Variants in CENPW observed in about 807,000 individuals in gnomAD.
CENPW encodes centromere protein W, also known as cancer-up-regulated gene 2 protein.
In CENPW, 3 loss-of-function variants were observed where a neutral mutation model predicts 11.1. The observed-to-expected ratio is 0.27, with a 90% CI of 0.12 to 0.70. The LOEUF (loss-of-function observed/expected upper bound fraction) is 0.70, where lower values mean the gene tolerates loss of function less well. CENPW is among the 30% of genes least tolerant of loss of function. The pLI is 0.77. For missense variants in CENPW, 100 were observed against 105.6 expected, an observed-to-expected ratio of 0.95 and a Z score of 0.23; for synonymous variants, 38 against 42.0, an observed-to-expected ratio of 0.91 and a Z score of 0.37.
the CENPW span, among the ~76,000 whole-genome samples, chr6:126,411,890 A>ACCTTCCTT: frequency 7.0e-6 from 1 of 143,240 alleles, no homozygotes; most frequent in South Asian, 2.3e-4. Flanking sequence ...CGTCCTTCCT[A>ACCTTCCTT]CCTTCCTTCC....
chr6:126,352,113 T>A (rs1029193443), downstream of CENPW, among the ~76,000 whole-genome samples: 1 of 152,136 alleles, frequency 6.6e-6, no homozygotes, highest in Non-Finnish European at 1.5e-5. Context: ...GAACAACTGT[T>A]CTAGATCACA....
chr6:126,417,259 T>C, the CENPW span, among the ~76,000 whole-genome samples: 1 of 152,222 alleles, frequency 6.6e-6, no homozygotes, highest in African/African-American at 2.4e-5. Flanking sequence ...CTGTATTTAA[T>C]GCCTGTACCA....
the CENPW span, among the ~76,000 whole-genome samples, chr6:126,419,855 A>G: frequency 6.6e-6 from 1 of 152,100 alleles, no homozygotes; most frequent in Non-Finnish European, 1.5e-5. Flanking sequence ...TAAGAATCCT[A>G]ATGATTATAT....
the CENPW span, among the ~76,000 whole-genome samples, chr6:126,473,197 C>T: frequency 6.6e-6 from 1 of 152,086 alleles, no homozygotes; most frequent in Non-Finnish European, 1.5e-5. Context: ...TTGGGAATTA[C>T]AAATAAAACA....
At chr6:126,425,801 G>GA in the CENPW span, among the ~76,000 whole-genome samples, 235 of 140,794 alleles carry the variant, frequency 1.7e-3, no homozygotes, top group South Asian at 0.013. Context: ...AGCTAGCTGT[G>GA]AAAAAAAAAA....
At chr6:126,403,285 T>G in the CENPW span, among the ~76,000 whole-genome samples, 1 of 152,132 alleles carries the variant, frequency 6.6e-6, no homozygotes, top group Non-Finnish European at 1.5e-5. Context: ...TCTCTCACTT[T>G]AAATCAAAAG....
chr6:126,390,906 C>T, the CENPW span, among the ~76,000 whole-genome samples: 1 of 151,974 alleles, frequency 6.6e-6, no homozygotes, highest in Non-Finnish European at 1.5e-5. Flanking sequence ...CAAATCTTGG[C>T]TATTGTAAAT....
chr6:126,416,345 C>T, the CENPW span, among the ~76,000 whole-genome samples: 6 of 152,098 alleles, frequency 3.9e-5, no homozygotes, highest in Non-Finnish European at 8.8e-5. Context: ...GGAAGCAGAG[C>T]ACAAAAGTTT....
At chr6:126,432,400 G>A in the CENPW span, among the ~76,000 whole-genome samples, 1 of 152,164 alleles carries the variant, frequency 6.6e-6, no homozygotes, top group Admixed American at 6.5e-5. Context: ...GTATGTCTCT[G>A]TTGTCTTCCT....
At chr6:126,377,202 G>T in the CENPW span, among the ~76,000 whole-genome samples, 1 of 151,902 alleles carries the variant, frequency 6.6e-6, no homozygotes, top group African/African-American at 2.4e-5. Context: ...TTTTTAACTG[G>T]AGTTATATAA....
chr6:126,389,939 C>T, the CENPW span, among the ~76,000 whole-genome samples: 4 of 151,810 alleles, frequency 2.6e-5, no homozygotes, highest in South Asian at 2.1e-4. Context: ...ATGCTGCTGC[C>T]ACAAATGCAA....
the CENPW span, among the ~76,000 whole-genome samples, chr6:126,417,562 G>A: frequency 6.6e-5 from 10 of 152,258 alleles, no homozygotes; most frequent in Admixed American, 2.6e-4. Context: ...ATGGGTGTGG[G>A]TCTTTCCTGT....
the CENPW span, among the ~76,000 whole-genome samples, chr6:126,439,002 A>T: frequency 6.6e-6 from 1 of 151,738 alleles, no homozygotes; most frequent in Non-Finnish European, 1.5e-5. Context: ...GCTAGCAAAG[A>T]TATGTATTTT....
At chr6:126,451,670 A>G in the CENPW span, among the ~76,000 whole-genome samples, 48 of 151,130 alleles carry the variant, frequency 3.2e-4, no homozygotes, top group African/African-American at 1.2e-3. Context: ...GACCTCCAAG[A>G]TGGTGGGATA....
chr6:126,396,832 T>G, the CENPW span, among the ~76,000 whole-genome samples: 464 of 152,134 alleles, frequency 3.0e-3, 3 homozygotes, highest in Non-Finnish European at 4.9e-3. Context: ...GCCCAGGGTA[T>G]GTCTAGAAAT....
At chr6:126,465,573 T>C in the CENPW span, among the ~76,000 whole-genome samples, 1 of 152,124 alleles carries the variant, frequency 6.6e-6, no homozygotes, top group South Asian at 2.1e-4. Context: ...ATAGCCAAAA[T>C]AACTCTGAAA....
the CENPW span, among the ~76,000 whole-genome samples, chr6:126,481,939 A>G: frequency 6.6e-6 from 1 of 152,106 alleles, no homozygotes; most frequent in South Asian, 2.1e-4. Flanking sequence ...ATGATATTGA[A>G]CTTATTTCCA....
the CENPW span, among the ~76,000 whole-genome samples, chr6:126,377,526 G>A: frequency 6.6e-6 from 1 of 152,182 alleles, no homozygotes. Context: ...AGTTTCTGCA[G>A]TGTTACTAAA....
chr6:126,384,306 G>C, the CENPW span, among the ~76,000 whole-genome samples: 1 of 151,974 alleles, frequency 6.6e-6, no homozygotes, highest in Non-Finnish European at 1.5e-5. Flanking sequence ...AACCAAAAAA[G>C]AGTCTAATAG....
Sources: gnomAD v4.1 joint callset for allele counts (sites outside exome capture counted in the v4.1 genomes callset) on GRCh38, gnomAD v4.1.1 for gene constraint, MANE v1.5 for transcripts, NCBI Gene and HGNC (gene_info 2026-07-23, HGNC 2026-07-21) for gene names.